Variants in RERE observed in about 807,000 individuals in gnomAD.
RERE encodes arginine-glutamic acid dipeptide repeats.
A neutral mutation model predicts 146.1 loss-of-function variants in RERE; 40 were observed. The ratio of observed to expected loss-of-function variants is 0.27; its 90% CI spans 0.21 to 0.36. The LOEUF is 0.36. Among genes scored for constraint, RERE ranks in the 10% least tolerant of loss-of-function variants. RERE has a pLI of 1.00. For missense variants in RERE, 1,933 were observed against 2,138.7 expected, an observed-to-expected ratio of 0.90 and a Z score of 1.90; for synonymous variants, 1,003 against 866.0, an observed-to-expected ratio of 1.16 and a Z score of -2.78.
chr1:8,582,478 C>G (rs2124065626), intron 4 of RERE, among the ~76,000 whole-genome samples: 1 of 150,764 alleles, frequency 6.6e-6, no homozygotes, highest in Admixed American at 6.6e-5. Flanking sequence ...GTCTCAAACT[C>G]CTGGCCTCTA....
At position 8,524,133 on chromosome 1, in the gene RERE, C is replaced by T. The variant is rs568993951; in HGVS notation, c.831-15458G>A. Among the ~76,000 whole-genome samples, 4 of 152,164 alleles carry T rather than the reference C, an allele frequency of 2.6e-5. No individual in the cohort carries two copies. In the East Asian group the frequency reaches 7.7e-4, roughly 29 times the overall value. Reference sequence around the variant, plus strand: ...TGCTTTTAAACAGAGTAAAATAAGGCGAGTTCCAGAAGCAACATTATATGG... The same window carrying T: ...TGCTTTTAAACAGAGTAAAATAAGGTGAGTTCCAGAAGCAACATTATATGG... On this transcript the variant is annotated intron_variant, in intron 7 of 22. Transcript: ENST00000400908.
chr1:8,784,417 A>AT (rs1641224305), intron 1 of RERE, among the ~76,000 whole-genome samples: 1 of 152,294 alleles, frequency 6.6e-6, no homozygotes, highest in Non-Finnish European at 1.5e-5. Flanking sequence ...ATTGGATTCC[A>AT]TAGAATATAA....
chr1:8,607,725 C>CTTTTTTTT (rs35349056), intron 4 of RERE, among the ~76,000 whole-genome samples: 4 of 92,920 alleles, frequency 4.3e-5, no homozygotes, highest in African/African-American at 9.1e-5. Context: ...CCATATCTGG[C>CTTTTTTTT]TTTTTTTTTT....
At chr1:8,752,730 A>G (rs1640563767) in intron 1 of RERE, among the ~76,000 whole-genome samples, 1 of 152,206 alleles carries the variant, frequency 6.6e-6, no homozygotes. Flanking sequence ...TATGATCAAA[A>G]GAAATTAAAG....
At chr1:8,443,857 G>A (rs1644284235) in intron 11 of RERE, among the ~76,000 whole-genome samples, 1 of 152,214 alleles carries the variant, frequency 6.6e-6, no homozygotes, top group Non-Finnish European at 1.5e-5. Flanking sequence ...TGTACAGAGT[G>A]CAAGAGTGAT....
chr1:8,363,707 A>G, intron 15 of RERE: 1 of 287,898 alleles, frequency 3.5e-6, no homozygotes, highest in Non-Finnish European at 6.6e-6. Context: ...ACACACTAAC[A>G]CAAAAGAGCC....
At chr1:8,735,319 T>C (rs1298962429) in intron 1 of RERE, among the ~76,000 whole-genome samples, 1 of 152,322 alleles carries the variant, frequency 6.6e-6, no homozygotes, top group South Asian at 2.1e-4. Context: ...TTATAATATA[T>C]ATGCATGGTA....
At chr1:8,406,850 G>C (rs1007192070) in intron 12 of RERE, among the ~76,000 whole-genome samples, 1 of 152,026 alleles carries the variant, frequency 6.6e-6, no homozygotes, top group Non-Finnish European at 1.5e-5. Context: ...ATTTTAGACC[G>C]CATTTTCAGC....
intron 1 of RERE, among the ~76,000 whole-genome samples, chr1:8,726,196 C>T (rs767881960): frequency 1.4e-5 from 2 of 142,964 alleles, no homozygotes; most frequent in Non-Finnish European, 3.0e-5. Context: ...GCTCTATCGC[C>T]CAGGCTGGAG....
intron 4 of RERE, among the ~76,000 whole-genome samples, chr1:8,578,504 C>T (rs999829610): frequency 6.6e-6 from 1 of 152,098 alleles, no homozygotes; most frequent in Admixed American, 6.6e-5. Context: ...AGGCAGGCAA[C>T]ACTGAAATCA....
chr1:8,557,608 A>G (rs1273325900), intron 4 of RERE, 85 bp from the exon 5 acceptor site: 3 of 822,566 alleles, frequency 3.6e-6, no homozygotes, highest in Non-Finnish European at 6.3e-6. Flanking sequence ...AAGCCCCTGT[A>G]AACGGGTGGA....
chr1:8,692,205 A>G (rs1309537198), intron 1 of RERE, among the ~76,000 whole-genome samples: 2 of 152,210 alleles, frequency 1.3e-5, no homozygotes, highest in Non-Finnish European at 2.9e-5. Context: ...ACATGGAACC[A>G]CTAACAAATT....
At chr1:8,474,846 A>G (rs1644732853) in intron 10 of RERE, among the ~76,000 whole-genome samples, 3 of 152,258 alleles carry the variant, frequency 2.0e-5, no homozygotes, top group Admixed American at 6.5e-5. Flanking sequence ...TACTTAAGTT[A>G]GACTGCATTC....
chr1:8,795,127 A>C (rs1641443203), intron 1 of RERE, among the ~76,000 whole-genome samples: 1 of 151,978 alleles, frequency 6.6e-6, no homozygotes, highest in African/African-American at 2.4e-5. Context: ...TCCCGGGTTT[A>C]GGTGATTCTT....
intron 11 of RERE, among the ~76,000 whole-genome samples, chr1:8,447,739 G>A (rs1242154243): frequency 6.6e-6 from 1 of 152,240 alleles, no homozygotes; most frequent in Non-Finnish European, 1.5e-5. Flanking sequence ...AGGCTGTGCT[G>A]TGTTGACCGT....
At chr1:8,658,993 G>A (rs752144426) in intron 1 of RERE, among the ~76,000 whole-genome samples, 1 of 152,276 alleles carries the variant, frequency 6.6e-6, no homozygotes, top group South Asian at 2.1e-4. Context: ...TTAGAAGAAG[G>A]AACGCATGTA....
intron 7 of RERE, among the ~76,000 whole-genome samples, chr1:8,517,109 GT>G (rs1224038287): frequency 2.0e-5 from 3 of 152,110 alleles, no homozygotes; most frequent in African/African-American, 7.2e-5. Context: ...CCTGGTTTTG[GT>G]ATCGTATTAC....
intron 1 of RERE, among the ~76,000 whole-genome samples, chr1:8,758,450 G>A (rs959830119): frequency 5.3e-5 from 8 of 150,716 alleles, no homozygotes; most frequent in Non-Finnish European, 7.4e-5. Flanking sequence ...GGAGTGCAGC[G>A]GCACAATCAT....
At chr1:8,749,093 A>AATTATT (rs1290412974) in intron 1 of RERE, among the ~76,000 whole-genome samples, 3 of 152,214 alleles carry the variant, frequency 2.0e-5, no homozygotes, top group African/African-American at 7.2e-5. Context: ...AAGTGGGTAT[A>AATTATT]ATTATTATTA....
Sources: gnomAD v4.1 joint callset for allele counts (sites outside exome capture counted in the v4.1 genomes callset) on GRCh38, gnomAD v4.1.1 for gene constraint, MANE v1.5 for transcripts, NCBI Gene and HGNC (gene_info 2026-07-23, HGNC 2026-07-21) for gene names.